TXLNB: variants seen among roughly 807,000 people sequenced by gnomAD.
The protein encoded by TXLNB is taxilin beta, also known as beta-taxilin.
TXLNB carries 37 observed loss-of-function variants against 57.4 expected under a neutral mutation model. The observed-to-expected ratio is 0.64, with a 90% confidence interval of 0.50 to 0.85. The LOEUF is 0.85. TXLNB is among the 40% of genes least tolerant of loss of function. TXLNB has a pLI of 0.00. For missense variants in TXLNB, 848 were observed against 825.6 expected (o/e 1.03, Z -0.33); for synonymous variants, 302 against 309.6 (o/e 0.98, Z 0.26).
At chr6:139,245,650 T>G (rs1348270336) in intron 8 of TXLNB, 1 of 152,162 alleles carries the variant, frequency 6.6e-6, no homozygotes, top group Non-Finnish European at 1.5e-5. Flanking sequence ...GTTTTTAATT[T>G]TGATCATATT....
chr6:139,175,428 A>G, the TXLNB span, among the ~76,000 whole-genome samples: 1 of 152,184 alleles, frequency 6.6e-6, no homozygotes, highest in Non-Finnish European at 1.5e-5. Flanking sequence ...TATCTTTACT[A>G]TTATCAGTAG....
chr6:139,277,336 G>A (rs576874756), intron 2 of TXLNB, among the ~76,000 whole-genome samples: 21 of 152,264 alleles, frequency 1.4e-4, no homozygotes, highest in South Asian at 2.1e-4. Context: ...CAAAATTTCC[G>A]ACTAGTATGA....
chr6:139,242,604 T>C lies in TXLNB; in HGVS notation c.1977A>G (p.Ala659=), dbSNP rs778313746. Residue 659 remains alanine (A), a synonymous_variant, in exon 10 of 10, where the codon GCA becomes GCG. Transcript: ENST00000358430. ...CTGAGGCCCCTACTGGCAGCTCCTC[T>C]GCTGCTGCTCGTGGGGGCTGCCTAC... is the stretch of plus-strand genomic sequence containing the variant. ...EPSRQPPRAA[A]EELPVGASAG... is the part of the protein sequence containing the mutation. 4 of 1,580,682 alleles carry C rather than the reference T, an allele frequency of 2.5e-6. No individual in the cohort carries two copies. The highest frequency in any genetic ancestry group is 4.5e-5 in the East Asian group (2 of 44,500).
chr6:139,205,877 G>A, the TXLNB span, among the ~76,000 whole-genome samples: 1 of 152,164 alleles, frequency 6.6e-6, no homozygotes, highest in Admixed American at 6.5e-5. Flanking sequence ...ATAGTCATCA[G>A]GTTATCTAAA....
In TXLNB at chr6:139,270,669, T is replaced by A. The variant is rs754161014; in HGVS notation, c.517-43A>T. On this transcript the variant is annotated intron_variant, in intron 3 of 9. Transcript: ENST00000358430. ...CAAACATGAAAGAAAATGGCAGGGA[T>A]CTCCTTGGAGTGGATAGAAAAAAAG... is the stretch of plus-strand genomic sequence containing the variant. The A allele has an allele frequency of 2.1e-5, 34 of 1,587,024 alleles. No individual in the cohort carries two copies. In the East Asian group the frequency reaches 7.4e-4, roughly 34 times the overall value.
chr6:139,227,852 C>G, the TXLNB span, among the ~76,000 whole-genome samples: 3 of 152,154 alleles, frequency 2.0e-5, no homozygotes, highest in African/African-American at 7.2e-5. Context: ...TGCACACACG[C>G]ACAGGCACTC....
At chr6:139,226,981 T>C in the TXLNB span, among the ~76,000 whole-genome samples, 1 of 152,024 alleles carries the variant, frequency 6.6e-6, no homozygotes, top group South Asian at 2.1e-4. Flanking sequence ...GAGCTGAGAT[T>C]GCACCACTGA....
At chr6:139,259,860 T>C (rs6926856) in intron 6 of TXLNB, among the ~76,000 whole-genome samples, 21,146 of 152,204 alleles carry the variant, frequency 0.14, 2,877 homozygotes, top group African/African-American at 0.36. Context: ...CAGACTGGGC[T>C]GGCTAATTTA....
intron 3 of TXLNB, among the ~76,000 whole-genome samples, chr6:139,272,112 T>C (rs981720606): frequency 3.3e-5 from 5 of 152,012 alleles, no homozygotes; most frequent in African/African-American, 1.2e-4. Context: ...ATCAAGACCA[T>C]CCTGGCCAAC....
intron 4 of TXLNB, among the ~76,000 whole-genome samples, chr6:139,265,839 A>G (rs1776601802): frequency 6.6e-6 from 1 of 152,214 alleles, no homozygotes; most frequent in Non-Finnish European, 1.5e-5. Flanking sequence ...TCTCATATAA[A>G]ACATACCATC....
chr6:139,235,200 C>A (rs150465398), downstream of TXLNB, among the ~76,000 whole-genome samples: 5 of 152,236 alleles, frequency 3.3e-5, no homozygotes, highest in East Asian at 7.8e-4. Flanking sequence ...ACCACCCTGG[C>A]CTGCCACATC....
At chr6:139,305,163 T>A in the TXLNB span, among the ~76,000 whole-genome samples, 1 of 152,216 alleles carries the variant, frequency 6.6e-6, no homozygotes, top group Non-Finnish European at 1.5e-5. Flanking sequence ...AGCCTTCTCC[T>A]TGTTCATAAC....
the TXLNB span, among the ~76,000 whole-genome samples, chr6:139,176,267 G>C: frequency 6.6e-6 from 1 of 152,166 alleles, no homozygotes; most frequent in Non-Finnish European, 1.5e-5. The surrounding 1 kb of genome is among the most constrained non-coding windows in gnomAD (Gnocchi z 4.5). Context: ...CTAAAAGTCA[G>C]CTAATACTAC....
the TXLNB span, among the ~76,000 whole-genome samples, chr6:139,322,117 G>A: frequency 6.6e-6 from 1 of 152,030 alleles, no homozygotes; most frequent in Non-Finnish European, 1.5e-5. Context: ...GCGACTACAG[G>A]TGCACCACCA....
intron 2 of TXLNB, among the ~76,000 whole-genome samples, chr6:139,280,251 T>TAAAAAAAAAAAAA (rs11313271): frequency 1.3e-5 from 1 of 78,216 alleles, no homozygotes; most frequent in Non-Finnish European, 2.6e-5. Context: ...ACTCTCTCTC[T>TAAAAAAAAAAAAA]AAAAAAAAAA....
intron 1 of TXLNB, among the ~76,000 whole-genome samples, chr6:139,289,426 G>A (rs957521617): frequency 7.2e-5 from 11 of 152,158 alleles, no homozygotes; most frequent in African/African-American, 2.2e-4. Flanking sequence ...CAGGGAGCTC[G>A]GCTCTTGAGA....
chr6:139,268,151 C>CAAAAAAAAAA (rs59647726), intron 4 of TXLNB, among the ~76,000 whole-genome samples: 3 of 64,508 alleles, frequency 4.7e-5, no homozygotes, highest in Non-Finnish European at 6.6e-5. Context: ...CTCCATCTCA[C>CAAAAAAAAAA]AAAAAAAAAA....
chr6:139,234,848 G>A, the TXLNB span, among the ~76,000 whole-genome samples: 1 of 152,304 alleles, frequency 6.6e-6, no homozygotes, highest in South Asian at 2.1e-4. Context: ...CCTGCACCAT[G>A]TGCGTGGAAA....
At chr6:139,269,608 C>T (rs1210705663) in intron 4 of TXLNB, among the ~76,000 whole-genome samples, 3 of 152,196 alleles carry the variant, frequency 2.0e-5, no homozygotes, top group African/African-American at 7.2e-5. Flanking sequence ...CTCAATTGTA[C>T]AAATTCAGCA....
Sources: gnomAD v4.1 joint callset for allele counts (sites outside exome capture counted in the v4.1 genomes callset) on GRCh38, gnomAD v4.1.1 for gene constraint, Gnocchi (gnomAD v3.1) non-coding constraint, MANE v1.5 for transcripts, NCBI Gene and HGNC (gene_info 2026-07-23, HGNC 2026-07-21) for gene names.